Variants in RORA observed in about 807,000 individuals in gnomAD.
The protein encoded by RORA is nuclear receptor ROR-alpha.
In RORA, 7 loss-of-function variants were observed where a neutral mutation model predicts 69.5. The ratio of observed to expected loss-of-function variants is 0.10; its 90% CI spans 0.06 to 0.19. The LOEUF (loss-of-function observed/expected upper bound fraction) is 0.19, where lower values mean the gene tolerates loss of function less well. RORA is among the 10% of genes least tolerant of loss of function. The probability of loss-of-function intolerance (pLI) is 1.00; values close to 1 mark genes in which losing one functional copy is unlikely to be tolerated. For missense variants in RORA, 457 were observed against 663.0 expected (o/e 0.69, Z 3.41); for synonymous variants, 261 against 240.8 (o/e 1.08, Z -0.78).
intron 2 of RORA, among the ~76,000 whole-genome samples, chr15:60,629,876 A>G (rs185669887): frequency 9.2e-5 from 14 of 152,354 alleles, no homozygotes; most frequent in Middle Eastern, 3.4e-3. Flanking sequence ...ACATAAATCA[A>G]CACTGAGAAT....
At chr15:60,973,716 C>A (rs1893794691) in intron 1 of RORA, among the ~76,000 whole-genome samples, 1 of 152,154 alleles carries the variant, frequency 6.6e-6, no homozygotes, top group Non-Finnish European at 1.5e-5. Context: ...CAGGGCCAGG[C>A]CTCAAGAAGA....
chr15:60,740,074 C>CG (rs879521321), intron 1 of RORA, among the ~76,000 whole-genome samples: 1 of 152,030 alleles, frequency 6.6e-6, no homozygotes, highest in Non-Finnish European at 1.5e-5. Flanking sequence ...AGAAAGGGAG[C>CG]GGGGGAAACT....
At chr15:60,805,836 C>T (rs980597875) in intron 1 of RORA, among the ~76,000 whole-genome samples, 1 of 152,192 alleles carries the variant, frequency 6.6e-6, no homozygotes, top group African/African-American at 2.4e-5. Context: ...CATTTCAATG[C>T]CTTCCAAAGA....
intron 1 of RORA, among the ~76,000 whole-genome samples, chr15:60,798,352 C>A (rs530877124): frequency 6.6e-6 from 1 of 151,902 alleles, no homozygotes; most frequent in Non-Finnish European, 1.5e-5. Context: ...AGTAGCAAAG[C>A]ATTCAAAAAT....
At chr15:60,662,813 C>T (rs750733895) in intron 2 of RORA, among the ~76,000 whole-genome samples, 14 of 152,186 alleles carry the variant, frequency 9.2e-5, no homozygotes, top group Middle Eastern at 6.8e-3. Flanking sequence ...TTTTTGTCCC[C>T]CTGTAGTGGA....
At chr15:60,739,446 C>T (rs899323578) in intron 1 of RORA, among the ~76,000 whole-genome samples, 1 of 152,062 alleles carries the variant, frequency 6.6e-6, no homozygotes, top group Non-Finnish European at 1.5e-5. Context: ...GTGGTGTACA[C>T]CTGTGGTCCT....
At chr15:60,499,422 T>A (rs2054034) in intron 10 of RORA, among the ~76,000 whole-genome samples, 1 of 152,150 alleles carries the variant, frequency 6.6e-6, no homozygotes, top group Non-Finnish European at 1.5e-5. Flanking sequence ...CCTGTAGTCT[T>A]AGCTACTCAG....
At chr15:61,188,902 G>A (rs913979052) in intron 1 of RORA, among the ~76,000 whole-genome samples, 2 of 152,092 alleles carry the variant, frequency 1.3e-5, no homozygotes, top group Non-Finnish European at 2.9e-5. Context: ...GGGTGAAAAA[G>A]CCTTACCCCC....
intron 1 of RORA, among the ~76,000 whole-genome samples, chr15:61,089,688 G>C (rs1232604138): frequency 6.6e-6 from 1 of 152,168 alleles, no homozygotes; most frequent in Admixed American, 6.5e-5. Context: ...AAAGGTTTCA[G>C]AGCCACATTT....
chr15:61,109,032 C>G (rs966851350), intron 1 of RORA, among the ~76,000 whole-genome samples: 1 of 152,076 alleles, frequency 6.6e-6, no homozygotes, highest in Admixed American at 6.6e-5. Flanking sequence ...TCTGTCTCTA[C>G]TAAAAGTGCA....
In RORA at chr15:60,495,260, A is replaced by G. The variant is rs547031746; in HGVS notation, c.*2195T>C. 1 of 152,230 alleles carries G rather than the reference A, an allele frequency of 6.6e-6. No individual in the cohort carries two copies. Among genetic ancestry groups the G allele is most frequent in the Non-Finnish European group, 1.5e-5 (1 of 68,042 alleles). The allele number at this position is 152,230 out of a possible 1,614,324, so 9.4% of individuals were successfully genotyped here. On this transcript the variant is annotated 3_prime_UTR_variant, in exon 11 of 11. Coordinates refer to ENST00000335670, the MANE Select transcript of RORA (RefSeq NM_134261.3). Reference sequence around the variant, plus strand: ...ACTGATCTTTAAAGGAACTATGCTTACTTAAATTAAAGATTTGATTTAACC... The same window carrying G: ...ACTGATCTTTAAAGGAACTATGCTTGCTTAAATTAAAGATTTGATTTAACC...
intron 2 of RORA, among the ~76,000 whole-genome samples, chr15:60,582,683 A>G (rs1270761413): frequency 6.6e-6 from 1 of 152,218 alleles, no homozygotes; most frequent in Admixed American, 6.5e-5. Context: ...GCAATACTTG[A>G]GCTCTACACC....
intron 1 of RORA, among the ~76,000 whole-genome samples, chr15:61,149,509 T>C (rs941937841): frequency 6.6e-6 from 1 of 152,180 alleles, no homozygotes; most frequent in South Asian, 2.1e-4. Context: ...TATTTATTTA[T>C]TTATTGCCTT....
chr15:60,766,635 T>C (rs2071996879), intron 1 of RORA, among the ~76,000 whole-genome samples: 1 of 151,786 alleles, frequency 6.6e-6, no homozygotes, highest in South Asian at 2.1e-4. Flanking sequence ...ACTTGCTGTT[T>C]AATAGATTGC....
chr15:60,643,808 T>G (rs2069987941), intron 2 of RORA, among the ~76,000 whole-genome samples: 1 of 152,228 alleles, frequency 6.6e-6, no homozygotes. Context: ...AGTTATTGTG[T>G]TGCTTTTAGC....
At chr15:61,175,317 A>G (rs1275211448) in intron 1 of RORA, among the ~76,000 whole-genome samples, 1 of 152,154 alleles carries the variant, frequency 6.6e-6, no homozygotes, top group Admixed American at 6.5e-5. Flanking sequence ...CTCAATGAGC[A>G]CAAATGCCAA....
intron 1 of RORA, among the ~76,000 whole-genome samples, chr15:60,980,209 T>G (rs1678126722): frequency 1.3e-5 from 2 of 152,202 alleles, no homozygotes; most frequent in Non-Finnish European, 2.9e-5. Context: ...TTGAACAAAC[T>G]TTGCATTCCT....
intron 1 of RORA, among the ~76,000 whole-genome samples, chr15:60,746,971 A>C (rs2071657811): frequency 6.6e-6 from 1 of 152,174 alleles, no homozygotes; most frequent in African/African-American, 2.4e-5. Flanking sequence ...GATCGACTCT[A>C]GTTAGTGTCA....
rs1170694185 is a variant in RORA, at chr15:61,229,198, G to A, written c.21C>T (p.Ala7=). The part of the protein sequence containing the change: MESAPA[A]PDPAASEPGS... ...CTGGCTCGCTGGCGGCGGGGTCGGG[G>A]GCTGCCGGAGCTGACTCCATGTTTT... Residue 7 remains alanine, a synonymous_variant, in exon 1 of 11, where the codon GCC becomes GCT. Coordinates refer to ENST00000335670, the MANE Select transcript of RORA (RefSeq NM_134261.3). The A allele has an allele frequency of 1.9e-6, 3 of 1,547,084 alleles. No homozygotes were observed. Among genetic ancestry groups the A allele is most frequent in the African/African-American group, 1.4e-5 (1 of 71,734 alleles).
Sources: allele counts gnomAD v4.1 joint callset (sites outside exome capture counted in the v4.1 genomes callset), GRCh38; gene constraint gnomAD v4.1.1; transcripts MANE v1.5; gene names NCBI Gene and HGNC (gene_info 2026-07-23, HGNC 2026-07-21).